PPP1R37: variants seen among roughly 807,000 people sequenced by gnomAD.
The protein encoded by PPP1R37 is protein phosphatase 1 regulatory subunit 37.
In PPP1R37, 21 loss-of-function variants were observed where a neutral mutation model predicts 61.0. That is an observed-to-expected ratio of 0.34 (90% CI 0.24 to 0.50). The LOEUF (loss-of-function observed/expected upper bound fraction) is 0.50. PPP1R37 is among the 20% of genes least tolerant of loss of function. The probability of loss-of-function intolerance (pLI) is 0.98; values close to 1 mark genes in which losing one functional copy is unlikely to be tolerated. For synonymous variants in PPP1R37, 443 were observed against 433.5 expected (o/e 1.02, Z -0.27); for missense variants, 910 against 952.7 (o/e 0.96, Z 0.59).
chr19:45,111,762 T>G (rs1310587602), intron 1 of PPP1R37, among the ~76,000 whole-genome samples: 3 of 152,020 alleles, frequency 2.0e-5, no homozygotes, highest in Admixed American at 2.0e-4. Context: ...ATTCTGTGTT[T>G]TTTATTTTTT....
At chr19:45,101,595 A>G (rs112541774) in intron 1 of PPP1R37, among the ~76,000 whole-genome samples, 16,943 of 152,292 alleles carry the variant, frequency 0.11, 1,320 homozygotes, top group Non-Finnish European at 0.17. Context: ...GCATGTGCCT[A>G]TAGTCCCAGC....
chr19:45,138,250 C>T (rs1176889283), intron 1 of PPP1R37, among the ~76,000 whole-genome samples: 1 of 152,012 alleles, frequency 6.6e-6, no homozygotes, highest in East Asian at 1.9e-4. Flanking sequence ...GTGTGCTGTT[C>T]ATTGTGTATT....
intron 1 of PPP1R37, among the ~76,000 whole-genome samples, chr19:45,125,603 T>A (rs1713241117): frequency 6.6e-6 from 1 of 152,208 alleles, no homozygotes; most frequent in African/African-American, 2.4e-5. Flanking sequence ...AGAGAGCTCC[T>A]CTTTCCTGAG....
chr19:45,118,890 C>T (rs917272381), intron 1 of PPP1R37, among the ~76,000 whole-genome samples: 1 of 152,076 alleles, frequency 6.6e-6, no homozygotes, highest in African/African-American at 2.4e-5. Flanking sequence ...GCCTTGGTGC[C>T]AGACCTCCCT....
chr19:45,124,542 G>A (rs750785048), intron 1 of PPP1R37, among the ~76,000 whole-genome samples: 28 of 152,110 alleles, frequency 1.8e-4, no homozygotes, highest in South Asian at 6.2e-4. Flanking sequence ...GTGCGTGCAC[G>A]GCCCCCTCCT....
intron 1 of PPP1R37, among the ~76,000 whole-genome samples, chr19:45,107,775 C>T (rs1300882227): frequency 6.6e-6 from 1 of 152,138 alleles, no homozygotes; most frequent in Non-Finnish European, 1.5e-5. Flanking sequence ...TGGCTAGATT[C>T]ACAGCCACCG....
At position 45,142,131 on chromosome 19, in the gene PPP1R37, G is replaced by A. The variant is rs867751099; in HGVS notation, c.638G>A (p.Arg213His). Residue 213 changes from arginine (R) to histidine (H), a missense_variant, in exon 6 of 13, where the codon CGT (arginine) becomes CAT (histidine). Transcript: ENST00000221462. ...LLDHSAPFVARALRIRSSLAV... is the reference protein window; with the variant it reads ...LLDHSAPFVAHALRIRSSLAV... ...GACCACTCGGCGCCCTTCGTGGCCCGTGCCCTGCGCATCCGCAGCAGCCTG... is the reference window on the plus strand; with the variant it reads ...GACCACTCGGCGCCCTTCGTGGCCCATGCCCTGCGCATCCGCAGCAGCCTG... The A allele has an allele frequency of 4.8e-5, 74 of 1,535,088 alleles. No homozygotes were observed. The highest frequency in any genetic ancestry group is 1.7e-4 in the Middle Eastern group (1 of 5,892).
At chr19:45,111,205 T>G (rs906388194) in intron 1 of PPP1R37, among the ~76,000 whole-genome samples, 1 of 152,162 alleles carries the variant, frequency 6.6e-6, no homozygotes, top group African/African-American at 2.4e-5. Context: ...TCTGAGCCTT[T>G]GCACATGCTG....
Position 45,130,509 on chromosome 19 carries a change from A to T in PPP1R37, c.203-8005A>T, listed in dbSNP as rs1395724185. Among the ~76,000 whole-genome samples the T allele has an allele frequency of 6.6e-6, 1 of 152,136 alleles. No homozygotes were observed. The highest frequency in any genetic ancestry group is 2.1e-4 in the South Asian group (1 of 4,828). ...TTGCTGCCTGCCACGGGGTTTGCACAGGGACTGCGCAGTGGGCCTCCTGAA... is the reference window on the plus strand; with the variant it reads ...TTGCTGCCTGCCACGGGGTTTGCACTGGGACTGCGCAGTGGGCCTCCTGAA... On this transcript the variant is annotated intron_variant, in intron 1 of 12. Coordinates refer to ENST00000221462, the MANE Select transcript of PPP1R37 (RefSeq NM_019121.2). This position sits in a 1 kb window ranked among gnomAD's most constrained non-coding sequence, Gnocchi z 4.4.
At chr19:45,117,292 G>A (rs115235258) in intron 1 of PPP1R37, among the ~76,000 whole-genome samples, 4,488 of 152,146 alleles carry the variant, frequency 0.029, 228 homozygotes, top group African/African-American at 0.1. Context: ...AGCTGTCAGA[G>A]GGAGGGAAGA....
At chr19:45,104,875 C>T (rs1802645539) in intron 1 of PPP1R37, among the ~76,000 whole-genome samples, 1 of 152,166 alleles carries the variant, frequency 6.6e-6, no homozygotes, top group Non-Finnish European at 1.5e-5. Context: ...GAAGACCGGC[C>T]CCACCTACGC....
At chr19:45,108,015 C>T (rs542087637) in intron 1 of PPP1R37, among the ~76,000 whole-genome samples, 7 of 152,250 alleles carry the variant, frequency 4.6e-5, no homozygotes, top group African/African-American at 9.6e-5. Context: ...GCTCATCACA[C>T]GGGTAGCCTT....
intron 1 of PPP1R37, among the ~76,000 whole-genome samples, chr19:45,111,089 G>A (rs1017894410): frequency 2.0e-5 from 3 of 152,122 alleles, no homozygotes; most frequent in Non-Finnish European, 1.5e-5. Flanking sequence ...CAAGCACCTC[G>A]GTGCCCCCAG....
chr19:45,106,801 G>A (rs1968137162), intron 1 of PPP1R37, among the ~76,000 whole-genome samples: 1 of 137,996 alleles, frequency 7.2e-6, no homozygotes, highest in Non-Finnish European at 1.5e-5. Context: ...TAATGATGTT[G>A]AGCATCTTTT....
chr19:45,096,565 G>A (rs1161786494), intron 1 of PPP1R37, among the ~76,000 whole-genome samples: 5 of 152,088 alleles, frequency 3.3e-5, no homozygotes, highest in African/African-American at 7.2e-5. Flanking sequence ...TTGTTTTCAC[G>A]TGCAGTCTTG....
intron 1 of PPP1R37, among the ~76,000 whole-genome samples, chr19:45,132,332 G>C (rs1448518040): frequency 6.6e-6 from 1 of 151,826 alleles, no homozygotes; most frequent in East Asian, 1.9e-4. Context: ...TTTTAAGAGA[G>C]TCTCACTCTA....
chr19:45,125,999 C>T (rs1467557172), intron 1 of PPP1R37, among the ~76,000 whole-genome samples: 2 of 152,226 alleles, frequency 1.3e-5, no homozygotes, highest in Non-Finnish European at 2.9e-5. Flanking sequence ...CCCTGTGCCC[C>T]AGGCTCCTTC....
chr19:45,145,899 A>G lies in PPP1R37; in HGVS notation c.1843A>G (p.Thr615Ala). 1 of 1,517,972 alleles carries G rather than the reference A, an allele frequency of 6.6e-7. No homozygotes were observed. The highest frequency in any genetic ancestry group is 8.8e-7 in the Non-Finnish European group (1 of 1,137,190). 94.0% of individuals were successfully genotyped at this position (1,517,972 alleles called of 1,614,324 possible). A position where few individuals can be genotyped will look rare whatever the true frequency, so the allele number is the denominator to read the frequency against. ...PPAGAIDTRD[T>A]GSSEPQPPPE... ...AGCCGGGGCCATTGACACCCGGGACACAGGGTCCTCTGAGCCTCAGCCACC... is the reference window on the plus strand; with the variant it reads ...AGCCGGGGCCATTGACACCCGGGACGCAGGGTCCTCTGAGCCTCAGCCACC... The change falls in exon 11 of 13, where the codon ACA becomes GCA. Residue 615 changes from threonine (T) to alanine (A), a missense_variant. Thr to Ala is a moderately conservative substitution (Grantham distance 58, BLOSUM62 0). Transcript: ENST00000221462.
intron 1 of PPP1R37, among the ~76,000 whole-genome samples, chr19:45,109,362 C>T (rs549622689): frequency 6.6e-6 from 1 of 152,286 alleles, no homozygotes; most frequent in South Asian, 2.1e-4. Context: ...GGCTGGGGCC[C>T]TCAGAGAGGG....
Sources: allele counts gnomAD v4.1 joint callset (sites outside exome capture counted in the v4.1 genomes callset), GRCh38; gene constraint gnomAD v4.1.1; non-coding constraint Gnocchi (gnomAD v3.1); transcripts MANE v1.5; gene names NCBI Gene and HGNC (gene_info 2026-07-23, HGNC 2026-07-21).